The following NAV3 variants were observed in gnomAD, a reference collection of about 807,000 sequenced individuals.
The protein encoded by NAV3 is neuron navigator 3.
A neutral mutation model predicts 244.7 loss-of-function variants in NAV3; 87 were observed. The ratio of observed to expected loss-of-function variants is 0.36; its 90% confidence interval spans 0.30 to 0.42. The LOEUF is 0.42. Among genes scored for constraint, NAV3 ranks in the 20% least tolerant of loss-of-function variants. NAV3 has a pLI of 1.00. For synonymous variants in NAV3, 1,126 were observed against 1,042.2 expected (o/e 1.08, Z -1.55); for missense variants, 2,663 against 2,893.3 (o/e 0.92, Z 1.83).
rs112258895 is a variant in NAV3, at chr12:77,917,653, T to C, written c.244-22666T>C. 8.1e-3 allele frequency among the ~76,000 whole-genome samples: 1,236 copies of C among 152,062 alleles called. 15 individuals carry two copies. The highest frequency in any genetic ancestry group is 0.043 in the South Asian group (207 of 4,818). On this transcript the variant is annotated intron_variant, in intron 1 of 39. Coordinates refer to ENST00000397909, the MANE Select transcript of NAV3 (RefSeq NM_001024383.2). ...TGAAAGCTATATTTTAATTTGCCCA[T>C]GTGTGGAGCTATGAATGGAACTAAT...
intron 26 of NAV3, 77 bp downstream of exon 26, chr12:78,176,536 C>A: frequency 1.4e-6 from 2 of 1,421,348 alleles, no homozygotes; most frequent in Non-Finnish European, 2.0e-6. Flanking sequence ...TCCATTTTGG[C>A]AGTAGGCTTT....
intron 18 of NAV3, among the ~76,000 whole-genome samples, chr12:78,136,393 C>A (rs544592930): frequency 5.3e-5 from 8 of 152,136 alleles, no homozygotes; most frequent in Non-Finnish European, 1.2e-4. Context: ...TCAACCAAAT[C>A]TTTCCTTAAA....
intron 2 of NAV3, among the ~76,000 whole-genome samples, chr12:77,739,644 C>T (rs999502574): frequency 3.3e-5 from 5 of 152,104 alleles, no homozygotes; most frequent in African/African-American, 7.2e-5. Flanking sequence ...AAATCACATC[C>T]ACCTAAAGCA....
At chr12:77,674,969 T>C (rs1190416791) in intron 2 of NAV3, among the ~76,000 whole-genome samples, 7 of 152,182 alleles carry the variant, frequency 4.6e-5, no homozygotes, top group Non-Finnish European at 7.4e-5. Flanking sequence ...AGGATCTGAA[T>C]TGACAGATGG....
chr12:78,103,412 A>G (rs1457874925), intron 12 of NAV3, among the ~76,000 whole-genome samples: 1 of 152,078 alleles, frequency 6.6e-6, no homozygotes, highest in Non-Finnish European at 1.5e-5. Context: ...GCCATTCAAC[A>G]AGTCTCTACT....
At chr12:77,643,120 C>T (rs1444639897) in intron 2 of NAV3, among the ~76,000 whole-genome samples, 3 of 151,904 alleles carry the variant, frequency 2.0e-5, no homozygotes, top group Non-Finnish European at 4.4e-5. Flanking sequence ...AACATATTCT[C>T]ATACTCTATA....
chr12:78,176,314 T>C (rs1163906276), intron 25 of NAV3, 125 bp from the exon 26 acceptor site: 1 of 888,642 alleles, frequency 1.1e-6, no homozygotes, highest in Admixed American at 2.9e-5. Flanking sequence ...CTGGAGTGCT[T>C]TCTACAAATA....
chr12:77,844,857 C>T (rs985727030), intron 1 of NAV3, among the ~76,000 whole-genome samples: 6 of 152,114 alleles, frequency 3.9e-5, no homozygotes, highest in Admixed American at 2.0e-4. Flanking sequence ...AATTGGAGTC[C>T]TTTACTCCAA....
intron 38 of NAV3, 47 bp downstream of exon 38, chr12:78,200,638 C>G (rs1220462085): frequency 9.9e-7 from 1 of 1,014,680 alleles, no homozygotes; most frequent in Non-Finnish European, 1.4e-6. Flanking sequence ...AAAAAAAAAG[C>G]AAAAAAAATT....
At chr12:78,030,854 T>A (rs1272079175) in intron 9 of NAV3, among the ~76,000 whole-genome samples, 1 of 152,210 alleles carries the variant, frequency 6.6e-6, no homozygotes, top group Non-Finnish European at 1.5e-5. Flanking sequence ...AATTGTGGAA[T>A]AACATGAAAA....
intron 2 of NAV3, among the ~76,000 whole-genome samples, chr12:77,620,249 T>C (rs1178559039): frequency 6.6e-6 from 1 of 152,190 alleles, no homozygotes; most frequent in Non-Finnish European, 1.5e-5. Flanking sequence ...TAATAGGGTT[T>C]TATGAACATT....
At chr12:78,123,483 C>T (rs1246864737) in intron 16 of NAV3, among the ~76,000 whole-genome samples, 1 of 152,038 alleles carries the variant, frequency 6.6e-6, no homozygotes, top group African/African-American at 2.4e-5. Context: ...ACGCCAGTTT[C>T]CCTTTAATGT....
chr12:77,713,242 A>C (rs1016245788), intron 2 of NAV3, among the ~76,000 whole-genome samples: 3 of 152,228 alleles, frequency 2.0e-5, no homozygotes, highest in Non-Finnish European at 4.4e-5. Flanking sequence ...GTATATGTGT[A>C]CTGGCTTCTG....
chr12:77,866,017 G>T (rs1879962887), intron 1 of NAV3, among the ~76,000 whole-genome samples: 2 of 151,828 alleles, frequency 1.3e-5, no homozygotes, highest in African/African-American at 4.8e-5. Context: ...AAAACAATAT[G>T]AGATGGCATT....
At chr12:77,877,940 T>C (rs1882073581) in intron 1 of NAV3, among the ~76,000 whole-genome samples, 1 of 152,272 alleles carries the variant, frequency 6.6e-6, no homozygotes, top group African/African-American at 2.4e-5. Flanking sequence ...ACTTTATCTC[T>C]GGTCTTTTTC....
chr12:77,855,383 A>C lies in NAV3; in HGVS notation c.243+23679A>C, dbSNP rs189146568. Reference sequence around the variant, plus strand: ...TTGGCTTCCCACTTAACATTGTTACAAAATGAAAGAAGGTCAGTTTGACAG... The same window carrying C: ...TTGGCTTCCCACTTAACATTGTTACCAAATGAAAGAAGGTCAGTTTGACAG... On this transcript the variant is annotated intron_variant, in intron 1 of 39. Coordinates refer to ENST00000397909, the MANE Select transcript of NAV3 (RefSeq NM_001024383.2). 2.7e-3 allele frequency among the ~76,000 whole-genome samples: 414 copies of C among 152,310 alleles called. 1 individual carries two copies. The highest frequency in any genetic ancestry group is 9.5e-3 in the African/African-American group (393 of 41,572).
intron 2 of NAV3, among the ~76,000 whole-genome samples, chr12:77,679,378 C>T (rs1874348080): frequency 6.6e-6 from 1 of 152,004 alleles, no homozygotes; most frequent in Non-Finnish European, 1.5e-5. Context: ...CTTAAGATAA[C>T]TTACAAATGA....
At chr12:77,706,795 C>T (rs1962097) in intron 2 of NAV3, among the ~76,000 whole-genome samples, 4,168 of 145,456 alleles carry the variant, frequency 0.029, 307 homozygotes, top group African/African-American at 0.099. Context: ...GGCATGAGCC[C>T]GGGAGGCGGA....
rs530853061 is a variant in NAV3, at chr12:78,003,331, G to T, written c.881-3088G>T. Among the ~76,000 whole-genome samples, 112 of 152,118 alleles carry T rather than the reference G, an allele frequency of 7.4e-4. 1 individual carries two copies. The highest frequency in any genetic ancestry group is 8.2e-4 in the Non-Finnish European group (56 of 68,020). ...TCAAAATAAGTGGCATAGCCACATT[G>T]TTTAATCATTTTCCTCTTTCCACCA... On this transcript the variant is annotated intron_variant, in intron 7 of 39. Coordinates refer to ENST00000397909, the MANE Select transcript of NAV3 (RefSeq NM_001024383.2).
Sources: allele counts gnomAD v4.1 joint callset (sites outside exome capture counted in the v4.1 genomes callset), GRCh38; gene constraint gnomAD v4.1.1; transcripts MANE v1.5; gene names NCBI Gene and HGNC (gene_info 2026-07-23, HGNC 2026-07-21).